The following KIAA0319 variants were observed in gnomAD, a reference collection of about 807,000 sequenced individuals.
KIAA0319 encodes dyslexia-associated protein KIAA0319.
In KIAA0319, 83 loss-of-function variants were observed where a neutral mutation model predicts 108.4. The ratio of observed to expected loss-of-function variants is 0.77; its 90% CI spans 0.64 to 0.92. The LOEUF is 0.92. Among genes scored for constraint, KIAA0319 ranks in the 40% least tolerant of loss-of-function variants. KIAA0319 has a pLI of 0.00. For synonymous variants in KIAA0319, 484 were observed against 510.4 expected (o/e 0.95, Z 0.70); for missense variants, 1,195 against 1,322.4 (o/e 0.90, Z 1.49).
chr6:24,633,537 A>G (rs10456043), intron 1 of KIAA0319, among the ~76,000 whole-genome samples: 4,537 of 152,232 alleles, frequency 0.03, 109 homozygotes, highest in Middle Eastern at 0.088. Flanking sequence ...AGGCAGGAGG[A>G]TCACTTGAGG....
At chr6:24,558,553 A>T (rs1268230060) in intron 17 of KIAA0319, among the ~76,000 whole-genome samples, 2 of 152,226 alleles carry the variant, frequency 1.3e-5, no homozygotes, top group Non-Finnish European at 2.9e-5. Flanking sequence ...GGGACTATGA[A>T]TCATTTGAGT....
At position 24,551,449 on chromosome 6, in the gene KIAA0319, G is replaced by C. The variant is rs745535230; in HGVS notation, c.3025C>G (p.Leu1009Val). 1 of 1,610,716 alleles carries C rather than the reference G, an allele frequency of 6.2e-7. No individual in the cohort carries two copies. The highest frequency in any genetic ancestry group is 1.1e-5 in the South Asian group (1 of 91,018). ...ACTGTCTTACCATATTTGGGCCTCA[G>C]TTCCATTCTTTCCTGTTCATCCATG... ...DNMDEQERME[L>V]RPKYGIKHRS... The change falls in exon 20 of 21, where the codon CTG becomes GTG. Residue 1009 changes from leucine to valine, a missense_variant. Coordinates refer to ENST00000378214, the MANE Select transcript of KIAA0319 (RefSeq NM_014809.4).
Position 24,627,511 on chromosome 6 carries a change from C to T in KIAA0319, c.-106+18225G>A, listed in dbSNP as rs143413555. On this transcript the variant is annotated intron_variant, in intron 1 of 20. Transcript: ENST00000378214. ...CCCTCCTTTCCTCTCTCCCTTCCTT[C>T]CTTGTTTTCTTCTGAAAGACATGAT... Among the ~76,000 whole-genome samples the T allele has an allele frequency of 2.6e-3, 389 of 152,244 alleles. 1 individual carries two copies. Among genetic ancestry groups the T allele is most frequent in the Middle Eastern group, 0.014 (4 of 294 alleles).
intron 8 of KIAA0319, 49 bp downstream of exon 8, chr6:24,579,809 T>C: frequency 1.4e-6 from 2 of 1,438,536 alleles, no homozygotes; most frequent in South Asian, 1.2e-5. Flanking sequence ...TTACATTTCG[T>C]AGCACGTAGA....
At chr6:24,594,643 A>AAC (rs10695688) in intron 3 of KIAA0319, among the ~76,000 whole-genome samples, 64,862 of 116,706 alleles carry the variant, frequency 0.56, 16,556 homozygotes, top group South Asian at 0.68. Context: ...AAAAAACAAC[A>AAC]AAAAAAAAAA....
At chr6:24,607,083 C>T (rs6911855) in intron 1 of KIAA0319, among the ~76,000 whole-genome samples, 18,423 of 152,262 alleles carry the variant, frequency 0.12, 2,315 homozygotes, top group East Asian at 0.45. Context: ...AGGCCAGGTG[C>T]GGTGGCTCAT....
chr6:24,597,917 C>CAAAAAAAAAAAAAAAAAAAAAAAAAAAAA (rs540860751), intron 2 of KIAA0319: 1 of 32,430 alleles, frequency 3.1e-5, no homozygotes, highest in African/African-American at 1.2e-4. Context: ...GACCCTATCT[C>CAAAAAAAAAAAAAAAAAAAAAAAAAAAAA]AAAAAAAAAA....
intron 1 of KIAA0319, among the ~76,000 whole-genome samples, chr6:24,615,437 C>CAA (rs536822614): frequency 2.9e-5 from 4 of 138,274 alleles, no homozygotes; most frequent in African/African-American, 1.1e-4. Context: ...CTTGTATTTG[C>CAA]AAAAAAAAAA....
rs751963576 is a variant in KIAA0319, at chr6:24,580,947, C to T, written c.1258G>A (p.Val420Ile). 17 of 1,611,864 alleles carry T rather than the reference C, an allele frequency of 1.1e-5. No homozygotes were observed. Among genetic ancestry groups the T allele is most frequent in the Middle Eastern group, 3.3e-4 (2 of 6,080 alleles). The change falls in exon 7 of 21, where the codon GTC becomes ATC. Residue 420 changes from valine to isoleucine, a missense_variant. Physicochemically the swap from Val to Ile is conservative, Grantham distance 29 (BLOSUM62 3). Transcript: ENST00000378214. ...TTACCAGGCTTAACAGTGACATTGA[C>T]AAATCCTTCTCCAAAGGCGTTTTCA... is the stretch of plus-strand genomic sequence containing the variant. ...SSENAFGEGF[V>I]NVTVKPARRV...
At chr6:24,627,780 G>C (rs1192166565) in intron 1 of KIAA0319, among the ~76,000 whole-genome samples, 1 of 152,170 alleles carries the variant, frequency 6.6e-6, no homozygotes, top group Non-Finnish European at 1.5e-5. Flanking sequence ...TAACATTATG[G>C]TCTTAAAAGT....
chr6:24,622,657 C>T (rs1215297909), intron 1 of KIAA0319, among the ~76,000 whole-genome samples: 4 of 152,188 alleles, frequency 2.6e-5, no homozygotes, highest in Non-Finnish European at 4.4e-5. Context: ...CTGTTCTTCG[C>T]ATTTTAAACA....
intron 1 of KIAA0319, among the ~76,000 whole-genome samples, chr6:24,604,299 CT>C (rs999288180): frequency 1.3e-5 from 2 of 152,126 alleles, no homozygotes; most frequent in Admixed American, 1.3e-4. Context: ...TGACTACCCC[CT>C]AACCAAAGGG....
intron 16 of KIAA0319, among the ~76,000 whole-genome samples, chr6:24,561,806 A>T (rs1581932160): frequency 6.6e-6 from 1 of 152,028 alleles, no homozygotes; most frequent in East Asian, 1.9e-4. Flanking sequence ...AGGTTCAAGC[A>T]ATTATCCTGC....
intron 1 of KIAA0319, among the ~76,000 whole-genome samples, chr6:24,610,136 A>G (rs574833580): frequency 6.7e-4 from 102 of 152,360 alleles, no homozygotes; most frequent in Non-Finnish European, 1.2e-3. Context: ...CACCATCAAG[A>G]AAGTGAAAAG....
At chr6:24,643,325 T>C (rs182139356) in intron 1 of KIAA0319, among the ~76,000 whole-genome samples, 5 of 152,138 alleles carry the variant, frequency 3.3e-5, no homozygotes, top group African/African-American at 1.2e-4. Flanking sequence ...AATAGAAAAA[T>C]AACCTACACT....
intron 1 of KIAA0319, among the ~76,000 whole-genome samples, chr6:24,605,324 T>C (rs1383510035): frequency 2.0e-5 from 3 of 151,926 alleles, no homozygotes; most frequent in Non-Finnish European, 2.9e-5. Flanking sequence ...AAGCTTTCAC[T>C]GTGGCACCCC....
intron 18 of KIAA0319, 38 bp from the exon 19 acceptor site, chr6:24,554,669 G>T: frequency 7.2e-7 from 1 of 1,379,936 alleles, no homozygotes; most frequent in Non-Finnish European, 1.0e-6. Flanking sequence ...ATAGTTACAG[G>T]CTATTTGTAG....
chr6:24,584,166 C>CTTG (rs1767073367), intron 4 of KIAA0319, among the ~76,000 whole-genome samples: 1 of 152,068 alleles, frequency 6.6e-6, no homozygotes, highest in African/African-American at 2.4e-5. Flanking sequence ...TGCTAATGGC[C>CTTG]TTGTACTTGG....
intron 2 of KIAA0319, chr6:24,600,622 G>A (rs758578449): frequency 2.0e-6 from 3 of 1,518,366 alleles, no homozygotes; most frequent in Non-Finnish European, 2.7e-6. Flanking sequence ...TACTCACATG[G>A]GCTCGGCCAG....
Sources: gnomAD v4.1 joint callset for allele counts (sites outside exome capture counted in the v4.1 genomes callset) on GRCh38, gnomAD v4.1.1 for gene constraint, MANE v1.5 for transcripts, NCBI Gene and HGNC (gene_info 2026-07-23, HGNC 2026-07-21) for gene names.